The following INPP4B variants were observed in gnomAD, a reference collection of about 807,000 sequenced individuals.
INPP4B encodes the protein inositol polyphosphate 4-phosphatase type II.
A neutral mutation model predicts 122.5 loss-of-function variants in INPP4B; 55 were observed. The ratio of observed to expected loss-of-function variants is 0.45; its 90% CI spans 0.36 to 0.56. INPP4B has a LOEUF of 0.56. Ranked by LOEUF, INPP4B falls within the 20% of genes least tolerant of loss-of-function variation. The pLI, the probability that INPP4B is intolerant of heterozygous loss-of-function variation, is 0.00. For synonymous variants in INPP4B, 403 were observed against 388.7 expected, an observed-to-expected ratio of 1.04 and a Z score of -0.43; for missense variants, 1,000 against 1,097.7, an observed-to-expected ratio of 0.91 and a Z score of 1.26.
intron 2 of INPP4B, among the ~76,000 whole-genome samples, chr4:142,622,342 C>G (rs1745137572): frequency 6.6e-6 from 1 of 151,540 alleles, no homozygotes; most frequent in African/African-American, 2.4e-5. Context: ...AAAAAAAGTC[C>G]CCATCCCTTA....
At chr4:142,811,835 T>G (rs1178808426) in intron 1 of INPP4B, among the ~76,000 whole-genome samples, 1 of 152,198 alleles carries the variant, frequency 6.6e-6, no homozygotes, top group African/African-American at 2.4e-5. Flanking sequence ...TCTGTTTGCT[T>G]ACCAATATAT....
intron 9 of INPP4B, among the ~76,000 whole-genome samples, chr4:142,298,138 G>A (rs982640901): frequency 2.0e-5 from 3 of 152,142 alleles, no homozygotes; most frequent in Non-Finnish European, 2.9e-5. Flanking sequence ...CAGGAAAGAA[G>A]ATTTAGAGTT....
intron 2 of INPP4B, among the ~76,000 whole-genome samples, chr4:142,586,116 C>A (rs143792204): frequency 3.3e-5 from 5 of 151,950 alleles, no homozygotes; most frequent in Admixed American, 3.3e-4. Context: ...TGGAGACCAG[C>A]CTGGGCAACA....
intron 5 of INPP4B, among the ~76,000 whole-genome samples, chr4:142,417,157 CA>C (rs1482101270): frequency 2.6e-5 from 4 of 152,090 alleles, no homozygotes; most frequent in Non-Finnish European, 4.4e-5. Flanking sequence ...GCTGCTAGCT[CA>C]AAGTAGAAAG....
At chr4:142,060,094 G>A (rs544264285) in intron 25 of INPP4B, among the ~76,000 whole-genome samples, 103 of 152,166 alleles carry the variant, frequency 6.8e-4, no homozygotes, top group African/African-American at 2.4e-3. Flanking sequence ...CACCTTTCAC[G>A]ATTTTTCAAT....
At chr4:142,707,510 C>A (rs1359614792) in intron 2 of INPP4B, among the ~76,000 whole-genome samples, 1 of 152,156 alleles carries the variant, frequency 6.6e-6, no homozygotes, top group Admixed American at 6.5e-5. Context: ...TTTCTGTTCT[C>A]ATGATAGTGA....
chr4:142,835,981 G>A (rs1311709790), intron 1 of INPP4B, among the ~76,000 whole-genome samples: 1 of 152,090 alleles, frequency 6.6e-6, no homozygotes, highest in Non-Finnish European at 1.5e-5. Context: ...TAATTCTTTA[G>A]TCTTTTTGAA....
chr4:142,840,928 T>C (rs1227211269), intron 1 of INPP4B, among the ~76,000 whole-genome samples: 4 of 152,034 alleles, frequency 2.6e-5, no homozygotes, highest in Non-Finnish European at 4.4e-5. Context: ...ATTTAAAAGA[T>C]CTGAATGGAT....
intron 1 of INPP4B, among the ~76,000 whole-genome samples, chr4:142,731,073 TC>T (rs1436100286): frequency 1.3e-5 from 2 of 152,064 alleles, no homozygotes; most frequent in Non-Finnish European, 2.9e-5. Context: ...TATCAACCCA[TC>T]CCCTAGGTAT....
At chr4:142,343,071 CATT>C (rs1779183164) in intron 7 of INPP4B, among the ~76,000 whole-genome samples, 1 of 152,128 alleles carries the variant, frequency 6.6e-6, no homozygotes, top group African/African-American at 2.4e-5. Context: ...AAATCAACAT[CATT>C]AAGAGAAAAC....
chr4:142,695,405 T>A (rs1230819462), intron 2 of INPP4B, among the ~76,000 whole-genome samples: 1 of 152,188 alleles, frequency 6.6e-6, no homozygotes, highest in Non-Finnish European at 1.5e-5. Flanking sequence ...TAAAAATTTT[T>A]AAATTAATAC....
chr4:142,287,591 C>A (rs1561751982), intron 9 of INPP4B: 1 of 152,126 alleles, frequency 6.6e-6, no homozygotes, highest in Non-Finnish European at 1.5e-5. Context: ...TCTCTTGAAG[C>A]AGGCGTTATT....
At chr4:142,710,576 G>T (rs1762996780) in intron 2 of INPP4B, among the ~76,000 whole-genome samples, 2 of 151,974 alleles carry the variant, frequency 1.3e-5, no homozygotes, top group South Asian at 4.1e-4. Flanking sequence ...CATATAAAAA[G>T]TAGTTTTCAT....
At chr4:142,050,782 T>A (rs1213422028) in intron 25 of INPP4B, among the ~76,000 whole-genome samples, 1 of 152,018 alleles carries the variant, frequency 6.6e-6, no homozygotes, top group Non-Finnish European at 1.5e-5. Flanking sequence ...AATACCATCA[T>A]CCCTTGGTAC....
chr4:142,506,881 A>G (rs1824097921), intron 2 of INPP4B, among the ~76,000 whole-genome samples: 1 of 152,222 alleles, frequency 6.6e-6, no homozygotes, highest in Admixed American at 6.5e-5. Flanking sequence ...CCAGGGGCAG[A>G]GAAGGGAGAT....
intron 12 of INPP4B, among the ~76,000 whole-genome samples, chr4:142,222,022 C>T (rs570230117): frequency 1.1e-4 from 16 of 152,242 alleles, no homozygotes; most frequent in South Asian, 4.2e-4. Context: ...TGCAATGGCA[C>T]GATCTTGCCT....
intron 1 of INPP4B, among the ~76,000 whole-genome samples, chr4:142,824,933 T>A (rs1288694657): frequency 6.6e-6 from 1 of 152,074 alleles, no homozygotes; most frequent in East Asian, 1.9e-4. Context: ...GTTGAGGACT[T>A]TTTTTTAAGT....
chr4:142,054,641 T>C (rs778915808), intron 25 of INPP4B, among the ~76,000 whole-genome samples: 10 of 152,010 alleles, frequency 6.6e-5, no homozygotes, highest in Non-Finnish European at 8.8e-5. Flanking sequence ...TTGACTGGAC[T>C]GGATCTACAA....
chr4:142,229,359 T>G (rs759359096), intron 12 of INPP4B, among the ~76,000 whole-genome samples: 1 of 152,122 alleles, frequency 6.6e-6, no homozygotes, highest in Non-Finnish European at 1.5e-5. Flanking sequence ...AGTATTTAGA[T>G]TCCTATATAA....
Sources: allele counts gnomAD v4.1 joint callset (sites outside exome capture counted in the v4.1 genomes callset), GRCh38; gene constraint gnomAD v4.1.1; transcripts MANE v1.5; gene names NCBI Gene and HGNC (gene_info 2026-07-23, HGNC 2026-07-21).